Variants in DLG2 observed in about 807,000 individuals in gnomAD.
DLG2 encodes discs large MAGUK scaffold protein 2, also known as disks large homolog 2.
DLG2 carries 45 observed loss-of-function variants against 132.5 expected under a neutral mutation model. The ratio of observed to expected loss-of-function variants is 0.34; its 90% CI spans 0.27 to 0.44. The LOEUF is 0.44. DLG2 is among the 20% of genes least tolerant of loss of function. DLG2 has a pLI of 1.00. For synonymous variants in DLG2, 424 were observed against 419.6 expected (o/e 1.01, Z -0.13); for missense variants, 1,045 against 1,196.9 (o/e 0.87, Z 1.87).
intron 16 of DLG2, among the ~76,000 whole-genome samples, chr11:83,844,787 G>A (rs764259863): frequency 1.7e-4 from 26 of 152,082 alleles, no homozygotes; most frequent in Non-Finnish European, 3.7e-4. Context: ...CCTGGTGGTA[G>A]GGGTAACGTA....
chr11:83,915,351 T>C (rs1011987127), intron 15 of DLG2, among the ~76,000 whole-genome samples: 6 of 152,150 alleles, frequency 3.9e-5, no homozygotes, highest in African/African-American at 9.7e-5. Flanking sequence ...TGTAATGGAA[T>C]GATGATTGTA....
chr11:85,310,928 G>C (rs780114964), intron 3 of DLG2, among the ~76,000 whole-genome samples: 18 of 152,044 alleles, frequency 1.2e-4, no homozygotes, highest in Non-Finnish European at 1.9e-4. Flanking sequence ...AATAAACACA[G>C]ATGCTTAATC....
At chr11:83,863,920 T>C (rs1325192393) in intron 16 of DLG2, among the ~76,000 whole-genome samples, 3 of 152,160 alleles carry the variant, frequency 2.0e-5, no homozygotes, top group African/African-American at 7.2e-5. Context: ...TGCTCACACA[T>C]TTTATTATCA....
chr11:84,335,526 G>A (rs996191937), intron 7 of DLG2, among the ~76,000 whole-genome samples: 1 of 152,190 alleles, frequency 6.6e-6, no homozygotes, highest in Admixed American at 6.5e-5. Flanking sequence ...GGTGACCCTT[G>A]TAAAGTAATA....
In DLG2 at chr11:84,227,913, CA is replaced by C. The variant is rs59917539; in HGVS notation, c.573+23324del. On this transcript the variant is annotated intron_variant, in intron 8 of 27. Coordinates refer to ENST00000376104, the MANE Select transcript of DLG2 (RefSeq NM_001142699.3). ...TGGGCGACAGAGTGAGACTCCATCT[CA>C]AAAAAAAAAAAAAAAAAATGTATGT... 5.6e-3 allele frequency among the ~76,000 whole-genome samples: 420 copies of C among 74,352 alleles called. 3 individuals carry two copies. Among genetic ancestry groups the C allele is most frequent in the African/African-American group, 0.019 (384 of 20,138 alleles). The allele number at this position is 74,352 out of a possible 152,430, so 48.8% of individuals were successfully genotyped here.
chr11:83,571,623 A>C (rs1439275799), intron 19 of DLG2, among the ~76,000 whole-genome samples: 1 of 151,668 alleles, frequency 6.6e-6, no homozygotes, highest in Non-Finnish European at 1.5e-5. Context: ...ACTGTTATTC[A>C]GCAGAAGAGA....
chr11:85,514,250 G>A (rs571742040), intron 3 of DLG2, among the ~76,000 whole-genome samples: 1 of 152,066 alleles, frequency 6.6e-6, no homozygotes, highest in East Asian at 1.9e-4. Context: ...GTTAACAAAT[G>A]CAGAAATGTA....
chr11:84,118,378 T>C (rs144311466), intron 9 of DLG2, among the ~76,000 whole-genome samples: 2 of 152,124 alleles, frequency 1.3e-5, no homozygotes, highest in African/African-American at 4.8e-5. Flanking sequence ...AATTCCCTAA[T>C]CACAGGCAAA....
chr11:85,157,468 C>A (rs1349688781), intron 4 of DLG2, among the ~76,000 whole-genome samples: 1 of 152,078 alleles, frequency 6.6e-6, no homozygotes, highest in Non-Finnish European at 1.5e-5. Flanking sequence ...ATGCATTTGA[C>A]ATTCCTGATT....
At chr11:84,955,299 T>C (rs2051497040) in intron 6 of DLG2, 1 of 152,216 alleles carries the variant, frequency 6.6e-6, no homozygotes, top group African/African-American at 2.4e-5. Context: ...TTAATCTTCA[T>C]AACAAACCTA....
chr11:85,082,740 T>C (rs796783027), intron 6 of DLG2, among the ~76,000 whole-genome samples: 4 of 148,260 alleles, frequency 2.7e-5, no homozygotes, highest in African/African-American at 9.8e-5. Context: ...TCTTTCTTTT[T>C]TTTTTTTTTT....
chr11:85,084,882 C>T (rs757007734), intron 6 of DLG2, among the ~76,000 whole-genome samples: 2 of 152,104 alleles, frequency 1.3e-5, no homozygotes, highest in Non-Finnish European at 2.9e-5. Flanking sequence ...AGAGAAAGCA[C>T]GAGTTTCTCA....
At chr11:85,344,412 G>A (rs1049212144) in intron 3 of DLG2, among the ~76,000 whole-genome samples, 2 of 151,988 alleles carry the variant, frequency 1.3e-5, no homozygotes, top group African/African-American at 4.8e-5. Flanking sequence ...GCCTAATGAC[G>A]GACAGAGGCA....
At chr11:84,566,165 G>T (rs965087829) in intron 6 of DLG2, among the ~76,000 whole-genome samples, 1 of 151,970 alleles carries the variant, frequency 6.6e-6, no homozygotes, top group African/African-American at 2.4e-5. Flanking sequence ...GTTTCACCAT[G>T]TTGGCCAGGC....
intron 3 of DLG2, among the ~76,000 whole-genome samples, chr11:85,477,640 T>C (rs2093181202): frequency 6.6e-6 from 1 of 152,196 alleles, no homozygotes; most frequent in Non-Finnish European, 1.5e-5. Context: ...TCAGGGCTGA[T>C]AGCCTCTACC....
At chr11:84,433,251 A>G (rs972230337) in intron 7 of DLG2, among the ~76,000 whole-genome samples, 2 of 152,198 alleles carry the variant, frequency 1.3e-5, no homozygotes, top group African/African-American at 4.8e-5. Context: ...AATAAGCAAT[A>G]TATTGCTGAC....
intron 6 of DLG2, among the ~76,000 whole-genome samples, chr11:84,999,806 A>AC (rs1368354872): frequency 1.3e-5 from 2 of 151,956 alleles, no homozygotes; most frequent in Non-Finnish European, 2.9e-5. Flanking sequence ...TAAAAAGAAA[A>AC]CTCTTGCCTG....
intron 6 of DLG2, among the ~76,000 whole-genome samples, chr11:84,756,740 ATTTT>A (rs1174824170): frequency 6.6e-6 from 1 of 152,036 alleles, no homozygotes; most frequent in East Asian, 1.9e-4. Context: ...ATATAATGAG[ATTTT>A]TTTGTGATTT....
chr11:83,909,996 A>G (rs922226233), intron 15 of DLG2, among the ~76,000 whole-genome samples: 4 of 152,126 alleles, frequency 2.6e-5, no homozygotes, highest in Non-Finnish European at 5.9e-5. Context: ...GATGTGGGAG[A>G]TGTGTCTAAT....
Sources: gnomAD v4.1 joint callset for allele counts (sites outside exome capture counted in the v4.1 genomes callset) on GRCh38, gnomAD v4.1.1 for gene constraint, MANE v1.5 for transcripts, NCBI Gene and HGNC (gene_info 2026-07-23, HGNC 2026-07-21) for gene names.